The following TOPAZ1 variants were observed in gnomAD, a reference collection of about 807,000 sequenced individuals.
TOPAZ1 encodes testis and ovary specific TOPAZ 1.
Under a neutral mutation model 172.2 loss-of-function variants are expected in TOPAZ1, and 66 were observed. The ratio of observed to expected loss-of-function variants is 0.38; its 90% CI spans 0.31 to 0.47. The LOEUF (loss-of-function observed/expected upper bound fraction) is 0.47. Among genes scored for constraint, TOPAZ1 ranks in the 20% least tolerant of loss-of-function variants. TOPAZ1 has a pLI of 0.99. For missense variants in TOPAZ1, 1,822 were observed against 1,972.4 expected, an observed-to-expected ratio of 0.92 and a Z score of 1.44; for synonymous variants, 681 against 683.9, an observed-to-expected ratio of 1.00 and a Z score of 0.07.
chr3:44,251,929 A>G (rs1252973148), intron 2 of TOPAZ1, among the ~76,000 whole-genome samples: 1 of 152,160 alleles, frequency 6.6e-6, no homozygotes, highest in East Asian at 1.9e-4. Flanking sequence ...ACTGTAAAAT[A>G]TTTGTATAAG....
intron 15 of TOPAZ1, 92 bp from the exon 16 acceptor site, chr3:44,309,733 A>G: frequency 1.0e-6 from 1 of 961,554 alleles, no homozygotes; most frequent in East Asian, 2.6e-5. Context: ...ATGATGATTC[A>G]AACTGGATAC....
intron 2 of TOPAZ1, among the ~76,000 whole-genome samples, chr3:44,249,544 C>T (rs1203287461): frequency 6.6e-6 from 1 of 152,064 alleles, no homozygotes; most frequent in African/African-American, 2.4e-5. Flanking sequence ...TTATGCATTC[C>T]CATAGCACCT....
At chr3:44,253,480 A>G (rs1436065169) in intron 2 of TOPAZ1, among the ~76,000 whole-genome samples, 1 of 152,170 alleles carries the variant, frequency 6.6e-6, no homozygotes, top group Non-Finnish European at 1.5e-5. Flanking sequence ...GGTGAGGCAG[A>G]GGGAGGTGTT....
intron 12 of TOPAZ1, among the ~76,000 whole-genome samples, chr3:44,292,481 T>G (rs1184958705): frequency 2.6e-5 from 4 of 152,174 alleles, no homozygotes; most frequent in African/African-American, 9.7e-5. Context: ...CAGATGTTAA[T>G]CTCGCACCAG....
Position 44,243,095 on chromosome 3 carries a change from G to A in TOPAZ1, c.589G>A (p.Glu197Lys), listed in dbSNP as rs776753193. The A allele has an allele frequency of 1.3e-6, 2 of 1,547,862 alleles. No homozygotes were observed. Among genetic ancestry groups the A allele is most frequent in the South Asian group, 2.4e-5 (2 of 82,418 alleles). ...ENEATQNIKV[E>K]FQDELYKNTP... Reference sequence around the variant, plus strand: ...TGAGGCTACACAAAATATTAAGGTTGAATTCCAAGATGAACTGTACAAGAA... The same window carrying A: ...TGAGGCTACACAAAATATTAAGGTTAAATTCCAAGATGAACTGTACAAGAA... Residue 197 changes from glutamate (E) to lysine (K), a missense_variant, in exon 2 of 20, where the codon GAA becomes AAA. This residue lies in a region of TOPAZ1 where 1,489 missense variants were observed against 1,490.8 expected (regional missense o/e 1.00). Transcript: ENST00000309765.
chr3:44,328,482 C>G (rs566240148), intron 19 of TOPAZ1, 49 bp downstream of exon 19: 1,143 of 1,014,514 alleles, frequency 1.1e-3, no homozygotes, highest in Admixed American at 2.0e-3. Flanking sequence ...TCATGACTCC[C>G]CACACCCACC....
chr3:44,297,057 G>C (rs1700207169), intron 12 of TOPAZ1, among the ~76,000 whole-genome samples: 2 of 151,322 alleles, frequency 1.3e-5, no homozygotes, highest in Non-Finnish European at 1.5e-5. Context: ...TGTAATCCCA[G>C]CTACTTGATA....
rs753950103 is a variant in TOPAZ1 at position 44,323,263 on chromosome 3, G to A, written c.4643G>A (p.Arg1548His). The change falls in exon 18 of 20, where the codon CGT (arginine) becomes CAT (histidine). Residue 1548 changes from arginine (R) to histidine (H), a missense_variant. Arg to His is a conservative substitution (Grantham distance 29). Transcript: ENST00000309765. ...TTAATTACTTCTTTAGGAAGGAGTC[G>A]TTTATGGCTCAAAGCCAGAGCCCAC... ...RRLITSLGRSRLWLKARAHYK... is the reference protein window; with the variant it reads ...RRLITSLGRSHLWLKARAHYK... The A allele has an allele frequency of 1.0e-4, 156 of 1,549,270 alleles. No individual in the cohort carries two copies. Among genetic ancestry groups the A allele is most frequent in the Admixed American group, 7.1e-4 (36 of 50,880 alleles).
intron 2 of TOPAZ1, among the ~76,000 whole-genome samples, chr3:44,247,211 G>A (rs1352425278): frequency 6.6e-6 from 1 of 152,070 alleles, no homozygotes; most frequent in Non-Finnish European, 1.5e-5. Context: ...ATTGGATCAT[G>A]CCATTTTTTA....
At chr3:44,267,342 G>A (rs1699842022) in intron 6 of TOPAZ1, among the ~76,000 whole-genome samples, 1 of 144,094 alleles carries the variant, frequency 6.9e-6, no homozygotes, top group South Asian at 2.2e-4. Context: ...CGCCTAGGCT[G>A]GAGTGCAGTG....
chr3:44,320,974 G>A (rs902164434), intron 16 of TOPAZ1, 53 bp from the exon 17 acceptor site: 8 of 1,185,526 alleles, frequency 6.7e-6, no homozygotes, highest in South Asian at 1.4e-5. Flanking sequence ...TGATTATACT[G>A]TTAAGTGTCA....
chr3:44,320,355 T>C (rs1379278195), intron 16 of TOPAZ1, among the ~76,000 whole-genome samples: 1 of 152,232 alleles, frequency 6.6e-6, no homozygotes, highest in Non-Finnish European at 1.5e-5. Context: ...CCCAGCACTT[T>C]GGGAGGCCAA....
chr3:44,323,051 T>C, intron 17 of TOPAZ1, 41 bp from the exon 18 acceptor site: 1 of 1,381,236 alleles, frequency 7.2e-7, no homozygotes, highest in Non-Finnish European at 9.8e-7. Flanking sequence ...TGAGACACTT[T>C]AATATAAATG....
At chr3:44,268,405 A>C in intron 6 of TOPAZ1, among the ~76,000 whole-genome samples, 1 of 114,910 alleles carries the variant, frequency 8.7e-6, no homozygotes, top group Non-Finnish European at 1.7e-5. Context: ...ACAGAGTCTC[A>C]CTCTATAGCC....
At chr3:44,262,808 A>C (rs1316115107) in intron 5 of TOPAZ1, among the ~76,000 whole-genome samples, 1 of 152,244 alleles carries the variant, frequency 6.6e-6, no homozygotes, top group Non-Finnish European at 1.5e-5. Context: ...GTTTGCAAGG[A>C]TCTTACATAG....
rs149841180 is a variant in TOPAZ1, at chr3:44,329,437, T to C, written c.4859+1004T>C. On this transcript the variant is annotated intron_variant, in intron 19 of 19. Transcript: ENST00000309765. Reference sequence around the variant, plus strand: ...GGCCTCTCCATAGGTTGGTTAAGTGTCTTCATGACATGACTGACAGCTAAT... The same window carrying C: ...GGCCTCTCCATAGGTTGGTTAAGTGCCTTCATGACATGACTGACAGCTAAT... 7.9e-5 allele frequency among the ~76,000 whole-genome samples: 12 copies of C among 152,324 alleles called. No individual in the cohort carries two copies. The East Asian group carries it at 2.3e-3, about 29-fold the overall frequency.
At position 44,243,609 on chromosome 3, in the gene TOPAZ1, A is replaced by T; in HGVS notation, c.1103A>T (p.Asp368Val). Residue 368 changes from aspartate (D) to valine (V), a missense_variant, in exon 2 of 20, where the codon GAT (aspartate) becomes GTT (valine). Physicochemically the swap from Asp to Val is radical, Grantham distance 152. Coordinates refer to ENST00000309765, the MANE Select transcript of TOPAZ1 (RefSeq NM_001145030.2). ...LMLQENQMIA[D>V]GKEAETKSPL... ...TTGCAAGAAAATCAAATGATTGCTG[A>T]TGGTAAAGAAGCAGAGACTAAAAGT... 1 of 1,550,536 alleles carries T rather than the reference A, an allele frequency of 6.4e-7. No individual in the cohort carries two copies. The highest frequency in any genetic ancestry group is 8.7e-7 in the Non-Finnish European group (1 of 1,146,954).
Position 44,255,001 on chromosome 3 carries a change from G to A in TOPAZ1, c.2799G>A (p.Lys933=). 6.4e-7 allele frequency: 1 copy of A among 1,551,538 alleles called. No homozygotes were observed. The highest frequency in any genetic ancestry group is 1.4e-5 in the African/African-American group (1 of 73,180). Residue 933 remains lysine (K), a synonymous_variant, in exon 3 of 20, where the codon AAG becomes AAA. Transcript: ENST00000309765. The part of the protein sequence containing the change: ...ELPVLDCGWI[K]PDICASNSAE... ...CTGTACTGGACTGTGGATGGATAAAGCCAGACATCTGTGCTTCCAACTCAG... is the reference window on the plus strand; with the variant it reads ...CTGTACTGGACTGTGGATGGATAAAACCAGACATCTGTGCTTCCAACTCAG...
Position 44,255,662 on chromosome 3 carries a change from A to ATATAT in TOPAZ1, c.2828-489_2828-488insTATAT, listed in dbSNP as rs1553645450. On this transcript the variant is annotated intron_variant, in intron 3 of 19. Transcript: ENST00000309765. Reference sequence around the variant, plus strand: ...GCGAGACTCTGTCTCAAAAAAAAAAAATATATATACACACACACACACACA... The same window carrying ATATAT: ...GCGAGACTCTGTCTCAAAAAAAAAAATATATATATATATACACACACACACACACA... Among the ~76,000 whole-genome samples, 41 of 80,012 alleles carry ATATAT rather than the reference A, an allele frequency of 5.1e-4. 1 individual carries two copies. The highest frequency in any genetic ancestry group is 2.3e-3 in the African/African-American group (40 of 17,366). 52.5% of individuals were successfully genotyped at this position (80,012 alleles called of 152,430 possible).
Sources: gnomAD v4.1 joint callset for allele counts (sites outside exome capture counted in the v4.1 genomes callset) on GRCh38, gnomAD v4.1.1 for gene constraint, gnomAD v4.1.1 regional missense constraint, MANE v1.5 for transcripts, NCBI Gene and HGNC (gene_info 2026-07-23, HGNC 2026-07-21) for gene names.